Variants in TRMT11 observed in about 807,000 individuals in gnomAD.
The protein encoded by TRMT11 is tRNA methyltransferase 11.
A neutral mutation model predicts 62.8 loss-of-function variants in TRMT11; 53 were observed. The ratio of observed to expected loss-of-function variants is 0.84; its 90% CI spans 0.68 to 1.06. The LOEUF (loss-of-function observed/expected upper bound fraction) is 1.06. TRMT11 is among the 50% of genes least tolerant of loss of function. TRMT11 has a pLI of 0.00. For synonymous variants in TRMT11, 188 were observed against 190.3 expected, an observed-to-expected ratio of 0.99 and a Z score of 0.10; for missense variants, 556 against 553.4, an observed-to-expected ratio of 1.00 and a Z score of -0.05.
At chr6:126,119,108 C>G (rs1384766827) in intron 21 of TRMT11, among the ~76,000 whole-genome samples, 1 of 152,064 alleles carries the variant, frequency 6.6e-6, no homozygotes, top group Non-Finnish European at 1.5e-5. Flanking sequence ...CCTGTTATCT[C>G]TCTGAAGACT....
chr6:126,074,087 C>G (rs969283686), intron 17 of TRMT11, among the ~76,000 whole-genome samples: 39 of 152,176 alleles, frequency 2.6e-4, no homozygotes, highest in African/African-American at 9.2e-4. Flanking sequence ...ACTACAGTTC[C>G]AGATGAGATC....
At chr6:125,991,539 T>A (rs1790631373) in intron 1 of TRMT11, among the ~76,000 whole-genome samples, 2 of 152,126 alleles carry the variant, frequency 1.3e-5, no homozygotes, top group Non-Finnish European at 2.9e-5. Flanking sequence ...ACTCCCGGTC[T>A]CAAGTTATCT....
At chr6:126,260,218 T>G in the TRMT11 span, among the ~76,000 whole-genome samples, 1 of 152,212 alleles carries the variant, frequency 6.6e-6, no homozygotes, top group African/African-American at 2.4e-5. Flanking sequence ...TTTGCTATAA[T>G]TGCTTTCTTT....
At chr6:126,185,129 G>A (rs867319432) in intron 1 of TRMT11, among the ~76,000 whole-genome samples, 1 of 152,172 alleles carries the variant, frequency 6.6e-6, no homozygotes, top group Admixed American at 6.5e-5. Context: ...TGGTAGGTGA[G>A]TAGGGGAGGT....
At position 126,039,169 on chromosome 6, in the gene TRMT11, C is replaced by T. The variant is rs530218389; in HGVS notation, c.*333C>T. 8.5e-4 allele frequency: 138 copies of T among 162,822 alleles called. No homozygotes were observed. Among genetic ancestry groups the T allele is most frequent in the African/African-American group, 2.7e-3 (115 of 41,900 alleles). 10.1% of individuals were successfully genotyped at this position (162,822 alleles called of 1,614,324 possible). On this transcript the variant is annotated 3_prime_UTR_variant, in exon 13 of 13. Transcript: ENST00000334379. ...AAACATCTGCTGGATATATTATATG[C>T]AATTAATAGTAGTTAAGAATTTATT... is the stretch of plus-strand genomic sequence containing the variant.
intron 17 of TRMT11, among the ~76,000 whole-genome samples, chr6:126,088,729 T>C (rs1182280157): frequency 6.6e-5 from 10 of 152,322 alleles, no homozygotes; most frequent in Middle Eastern, 6.8e-3. Flanking sequence ...GTAAACAGTA[T>C]GAGCATCTTT....
At chr6:125,991,221 G>A (rs745511787) in intron 1 of TRMT11, among the ~76,000 whole-genome samples, 22 of 151,194 alleles carry the variant, frequency 1.5e-4, no homozygotes, top group Non-Finnish European at 2.5e-4. Context: ...ACTCCAGCCC[G>A]GGTGACAGTG....
chr6:126,063,746 C>T (rs1210029803), intron 17 of TRMT11, among the ~76,000 whole-genome samples: 2 of 152,206 alleles, frequency 1.3e-5, no homozygotes, highest in African/African-American at 4.8e-5. Flanking sequence ...GTTGTCATTC[C>T]TAATGACTTT....
chr6:125,989,948 T>G (rs1320197064), intron 1 of TRMT11, among the ~76,000 whole-genome samples: 1 of 152,238 alleles, frequency 6.6e-6, no homozygotes, highest in Admixed American at 6.5e-5. Context: ...TTATTGATTT[T>G]TACATAGGAA....
the TRMT11 span, among the ~76,000 whole-genome samples, chr6:126,210,980 C>CT: frequency 9.3e-4 from 122 of 131,664 alleles, no homozygotes; most frequent in Middle Eastern, 8.1e-3. Context: ...ATAACATTCC[C>CT]TTTTTTTTTT....
the TRMT11 span, among the ~76,000 whole-genome samples, chr6:126,262,008 G>T: frequency 6.6e-6 from 1 of 152,216 alleles, no homozygotes; most frequent in Non-Finnish European, 1.5e-5. Context: ...AGTACAGCGA[G>T]GTGGGAAGTC....
chr6:126,026,857 C>T (rs2128017652), intron 12 of TRMT11, among the ~76,000 whole-genome samples: 1 of 139,548 alleles, frequency 7.2e-6, no homozygotes, highest in African/African-American at 2.8e-5. Context: ...GGATGGAGTG[C>T]AGTGGCGGGA....
At chr6:126,183,214 G>A (rs1778487595) in intron 1 of TRMT11, among the ~76,000 whole-genome samples, 1 of 152,112 alleles carries the variant, frequency 6.6e-6, no homozygotes, top group African/African-American at 2.4e-5. Context: ...AGTTCTTGTG[G>A]TCAAAACATT....
intron 17 of TRMT11, among the ~76,000 whole-genome samples, chr6:126,112,525 G>C (rs903878168): frequency 6.6e-6 from 1 of 152,124 alleles, no homozygotes; most frequent in Admixed American, 6.6e-5. Flanking sequence ...TGCCAGTCAG[G>C]AGTACCTCCA....
rs1554236842 is a variant in TRMT11 at position 126,093,631 on chromosome 6, A to ATATATTTTTTTT, written c.*1438-19234_*1438-19233insATATTTTTTTTT. Among the ~76,000 whole-genome samples the ATATATTTTTTTT allele has an allele frequency of 9.2e-5, 9 of 98,014 alleles. 1 individual carries two copies. Among genetic ancestry groups the ATATATTTTTTTT allele is most frequent in the African/African-American group, 3.9e-4 (9 of 22,926 alleles). 64.3% of individuals were successfully genotyped at this position (98,014 alleles called of 152,430 possible). On this transcript the variant is annotated intron_variant and NMD_transcript_variant, in intron 17 of 22. Coordinates refer to the TRMT11 transcript ENST00000648977. ...TATATATATATATATATATATATAT[A>ATATATTTTTTTT]TTTTCCCCCAGTCCTGGAGGATCAA... is the stretch of plus-strand genomic sequence containing the variant.
intron 7 of TRMT11, among the ~76,000 whole-genome samples, chr6:126,004,845 A>AG (rs1793112654): frequency 6.6e-6 from 1 of 152,084 alleles, no homozygotes; most frequent in Non-Finnish European, 1.5e-5. Context: ...GGAGAAAAAT[A>AG]ATCTTTTCAT....
the TRMT11 span, among the ~76,000 whole-genome samples, chr6:126,239,111 A>G: frequency 6.6e-6 from 1 of 152,084 alleles, no homozygotes; most frequent in Non-Finnish European, 1.5e-5. Context: ...GTGTCTCTGC[A>G]TGTGAGATGG....
At chr6:126,185,085 G>C (rs1778512238) in intron 1 of TRMT11, among the ~76,000 whole-genome samples, 1 of 152,160 alleles carries the variant, frequency 6.6e-6, no homozygotes, top group African/African-American at 2.4e-5. Flanking sequence ...AATTCTAATT[G>C]TAGATCTTGA....
At chr6:126,167,406 G>T (rs1355235596) in intron 21 of TRMT11, among the ~76,000 whole-genome samples, 2 of 152,134 alleles carry the variant, frequency 1.3e-5, no homozygotes, top group Non-Finnish European at 2.9e-5. Context: ...GTGAGGTGAT[G>T]CCTCACCCTG....
Sources: gnomAD v4.1 joint callset for allele counts (sites outside exome capture counted in the v4.1 genomes callset) on GRCh38, gnomAD v4.1.1 for gene constraint, MANE v1.5 for transcripts, NCBI Gene and HGNC (gene_info 2026-07-23, HGNC 2026-07-21) for gene names.